NAA15: variants seen among roughly 807,000 people sequenced by gnomAD.
The protein encoded by NAA15 is N-alpha-acetyltransferase 15, NatA auxiliary subunit, also known as N-terminal acetyltransferase.
In NAA15, 34 loss-of-function variants were observed where a neutral mutation model predicts 114.0. The ratio of observed to expected loss-of-function variants is 0.30; its 90% CI spans 0.23 to 0.40. NAA15 has a LOEUF of 0.40. Among genes scored for constraint, NAA15 ranks in the 10% least tolerant of loss-of-function variants. The pLI is 1.00. For missense variants in NAA15, 658 were observed against 1,004.5 expected, an observed-to-expected ratio of 0.66 and a Z score of 4.66; for synonymous variants, 340 against 338.0, an observed-to-expected ratio of 1.01 and a Z score of -0.06.
intron 5 of NAA15, 140 bp downstream of exon 5, chr4:139,343,100 T>C: frequency 3.1e-6 from 2 of 653,290 alleles, no homozygotes; most frequent in South Asian, 2.2e-5. Flanking sequence ...GAACTCTACA[T>C]AGGGGTTCAT....
At chr4:139,343,115 A>G (rs1039105045) in intron 5 of NAA15, among the ~76,000 whole-genome samples, 155 bp downstream of exon 5, 2 of 152,204 alleles carry the variant, frequency 1.3e-5, no homozygotes, top group Non-Finnish European at 2.9e-5. Flanking sequence ...GTTCATTCAT[A>G]CTAAACTAAT....
At chr4:139,338,969 C>A (rs1434130441) in intron 3 of NAA15, among the ~76,000 whole-genome samples, 1 of 151,968 alleles carries the variant, frequency 6.6e-6, no homozygotes, top group Non-Finnish European at 1.5e-5. Flanking sequence ...TGCCACCATA[C>A]CTGGGTGTTT....
rs1029379692 is a variant in NAA15, at chr4:139,333,642, C to T, written c.55-532C>T. Among the ~76,000 whole-genome samples the T allele has an allele frequency of 3.9e-5, 6 of 152,220 alleles. No individual in the cohort carries two copies. In the South Asian group the frequency reaches 8.3e-4, roughly 21 times the overall value. On this transcript the variant is annotated intron_variant, in intron 1 of 19. Coordinates refer to ENST00000296543, the MANE Select transcript of NAA15 (RefSeq NM_057175.5). ...CTGTTATCCCAGCCCCTGGGGAGGCCGAGGTGGGAGGATTGCTTGAGTGAG... is the reference window on the plus strand; with the variant it reads ...CTGTTATCCCAGCCCCTGGGGAGGCTGAGGTGGGAGGATTGCTTGAGTGAG...
At chr4:139,332,560 T>C (rs1483105250) in intron 1 of NAA15, among the ~76,000 whole-genome samples, 2 of 150,536 alleles carry the variant, frequency 1.3e-5, no homozygotes, top group East Asian at 3.9e-4. Context: ...GTCTTGGTAT[T>C]TTGGTTTGTA....
intron 1 of NAA15, among the ~76,000 whole-genome samples, chr4:139,310,489 C>G (rs1055819521): frequency 1.3e-4 from 19 of 151,302 alleles, no homozygotes; most frequent in African/African-American, 4.4e-4. Context: ...ACATAAAAAG[C>G]TATGTCGTAT....
chr4:139,382,176 A>G (rs902309266), intron 17 of NAA15, among the ~76,000 whole-genome samples: 5 of 152,128 alleles, frequency 3.3e-5, no homozygotes, highest in Non-Finnish European at 7.4e-5. Flanking sequence ...TCCATAGGAC[A>G]TTCTGGGTTT....
At chr4:139,357,270 CATAA>C in intron 10 of NAA15, 112 bp from the exon 11 acceptor site, 1 of 829,462 alleles carries the variant, frequency 1.2e-6, no homozygotes. Flanking sequence ...TAGCTAGATA[CATAA>C]ATAAACTCCT....
chr4:139,360,663 A>T (rs1340763014), intron 13 of NAA15, 35 bp downstream of exon 13: 4 of 1,539,532 alleles, frequency 2.6e-6, no homozygotes, highest in Non-Finnish European at 3.5e-6. Flanking sequence ...TTCTTGTTTT[A>T]TTCTGTCGAT....
chr4:139,314,801 C>T (rs1746327205), intron 1 of NAA15, among the ~76,000 whole-genome samples: 1 of 151,738 alleles, frequency 6.6e-6, no homozygotes, highest in South Asian at 2.1e-4. Flanking sequence ...CCTCAGCCTC[C>T]TGAATAGCTG....
chr4:139,371,497 GCACACACACACACACA>G (rs35581039), intron 15 of NAA15, among the ~76,000 whole-genome samples: 67 of 113,678 alleles, frequency 5.9e-4, no homozygotes, highest in Middle Eastern at 5.4e-3. Context: ...AAGAAAAGTA[GCACACACACACACACA>G]CACACACACA....
rs149340133 is a variant in NAA15, at chr4:139,338,277, A to C, written c.244+1325A>C. Among the ~76,000 whole-genome samples the C allele has an allele frequency of 9.7e-3, 1,485 of 152,362 alleles. 10 individuals are homozygous for C. The highest frequency in any genetic ancestry group is 0.02 in the Middle Eastern group (6 of 294). On this transcript the variant is annotated intron_variant, in intron 3 of 19. Coordinates refer to ENST00000296543, the MANE Select transcript of NAA15 (RefSeq NM_057175.5). ...TCCTAGTTTATAAAACCATGATCCA[A>C]ACGGCTGAGAGGATTTGATCCAGTT...
rs188970421 is a variant in NAA15, at chr4:139,310,216, A to C, written c.54+8385A>C. ...ACGCCTGTAATCCCAGCACTTTGGG[A>C]GGCCGAGGCGGGCGGATCACGAGGT... On this transcript the variant is annotated intron_variant, in intron 1 of 19. Coordinates refer to ENST00000296543, the MANE Select transcript of NAA15 (RefSeq NM_057175.5). Among the ~76,000 whole-genome samples the C allele has an allele frequency of 9.3e-3, 1,416 of 151,652 alleles. 10 individuals are homozygous for C. The highest frequency in any genetic ancestry group is 0.024 in the East Asian group (122 of 5,130).
intron 17 of NAA15, among the ~76,000 whole-genome samples, chr4:139,380,680 CTTTACAAAG>C (rs904284258): frequency 9.2e-5 from 14 of 152,166 alleles, no homozygotes; most frequent in Non-Finnish European, 1.9e-4. Context: ...ATCGTCATCA[CTTTACAAAG>C]TGATCTAATT....
At chr4:139,326,539 T>G (rs998668599) in intron 1 of NAA15, among the ~76,000 whole-genome samples, 1 of 152,156 alleles carries the variant, frequency 6.6e-6, no homozygotes, top group Admixed American at 6.5e-5. Flanking sequence ...AAGTATAGAG[T>G]CACTGTTTGA....
chr4:139,381,920 C>G (rs1167070370), intron 17 of NAA15, among the ~76,000 whole-genome samples: 1 of 152,180 alleles, frequency 6.6e-6, no homozygotes, highest in African/African-American at 2.4e-5. Flanking sequence ...TCTCGCTCAT[C>G]AGTTATTACT....
intron 3 of NAA15, among the ~76,000 whole-genome samples, chr4:139,338,148 C>G (rs557930486): frequency 1.3e-5 from 2 of 152,088 alleles, no homozygotes; most frequent in South Asian, 4.2e-4. Flanking sequence ...GTGGCTGTTG[C>G]AATATTTAAG....
intron 5 of NAA15, 31 bp from the exon 6 acceptor site, chr4:139,344,155 T>TA: frequency 6.6e-7 from 1 of 1,520,372 alleles, no homozygotes; most frequent in Non-Finnish European, 8.9e-7. Flanking sequence ...ATAAAATTCT[T>TA]ACTGTCAGTA....
Position 139,344,343 on chromosome 4 carries a change from T to G in NAA15, c.691+4T>G. ...CTTGCTGTAGAAGAAACCAAAGGTATTTTTAAAAGAATTGTCATTTATTCT... is the reference window on the plus strand; with the variant it reads ...CTTGCTGTAGAAGAAACCAAAGGTAGTTTTAAAAGAATTGTCATTTATTCT... On this transcript the variant is annotated splice_donor_region_variant and intron_variant, in intron 6 of 19. Coordinates refer to ENST00000296543, the MANE Select transcript of NAA15 (RefSeq NM_057175.5). 6.3e-7 allele frequency: 1 copy of G among 1,599,810 alleles called. No individual in the cohort carries two copies. Among genetic ancestry groups the G allele is most frequent in the Non-Finnish European group, 8.5e-7 (1 of 1,173,100 alleles).
intron 1 of NAA15, among the ~76,000 whole-genome samples, chr4:139,324,593 T>C: frequency 6.6e-6 from 1 of 152,252 alleles, no homozygotes; most frequent in Non-Finnish European, 1.5e-5. Flanking sequence ...ATGTAGTATT[T>C]TGCATTTCAC....
Sources: gnomAD v4.1 joint callset for allele counts (sites outside exome capture counted in the v4.1 genomes callset) on GRCh38, gnomAD v4.1.1 for gene constraint, MANE v1.5 for transcripts, NCBI Gene and HGNC (gene_info 2026-07-23, HGNC 2026-07-21) for gene names.